Variants in NEGR1 observed in about 807,000 individuals in gnomAD.
NEGR1 encodes the protein IgLON family member 4.
NEGR1 carries 10 observed loss-of-function variants against 40.9 expected under a neutral mutation model. That is an observed-to-expected ratio of 0.24 (90% CI 0.15 to 0.42). NEGR1 has a LOEUF of 0.42. Among genes scored for constraint, NEGR1 ranks in the 10% least tolerant of loss-of-function variants. The probability of loss-of-function intolerance (pLI) is 1.00; values close to 1 mark genes in which losing one functional copy is unlikely to be tolerated. For missense variants in NEGR1, 352 were observed against 438.9 expected, an observed-to-expected ratio of 0.80 and a Z score of 1.77; for synonymous variants, 185 against 166.8, an observed-to-expected ratio of 1.11 and a Z score of -0.84.
chr1:71,412,364 C>T (rs1193674534), intron 6 of NEGR1, among the ~76,000 whole-genome samples: 1 of 152,120 alleles, frequency 6.6e-6, no homozygotes, highest in South Asian at 2.1e-4. Flanking sequence ...TTCCATGAGG[C>T]CATCCCCAAT....
intron 6 of NEGR1, among the ~76,000 whole-genome samples, chr1:71,504,636 G>A (rs1053216710): frequency 2.6e-5 from 4 of 152,284 alleles, no homozygotes; most frequent in East Asian, 1.9e-4. Flanking sequence ...GGTGGGACCC[G>A]AGGAAGAAAA....
At chr1:71,906,246 G>A (rs548146626) in intron 2 of NEGR1, among the ~76,000 whole-genome samples, 1 of 152,054 alleles carries the variant, frequency 6.6e-6, no homozygotes, top group East Asian at 1.9e-4. Context: ...GGAGAAGGGG[G>A]AAAGGGAGTG....
At chr1:71,580,290 C>T (rs997914568) in intron 6 of NEGR1, among the ~76,000 whole-genome samples, 2 of 144,984 alleles carry the variant, frequency 1.4e-5, no homozygotes, top group African/African-American at 5.2e-5. Flanking sequence ...GGGAACATCA[C>T]ACTCTGGAGA....
intron 4 of NEGR1, among the ~76,000 whole-genome samples, chr1:71,649,453 T>C (rs1343908352): frequency 1.3e-5 from 2 of 152,074 alleles, no homozygotes; most frequent in African/African-American, 4.8e-5. Flanking sequence ...TATCTAGCAA[T>C]AAAATGCTGT....
chr1:71,795,952 G>A (rs1557655313), intron 2 of NEGR1, among the ~76,000 whole-genome samples: 5 of 152,074 alleles, frequency 3.3e-5, no homozygotes, highest in Admixed American at 1.3e-4. Flanking sequence ...CATTTCAAAG[G>A]CCTCATTTGG....
intron 1 of NEGR1, among the ~76,000 whole-genome samples, chr1:72,182,524 T>C (rs1211563812): frequency 6.6e-6 from 1 of 151,956 alleles, no homozygotes; most frequent in Non-Finnish European, 1.5e-5. Flanking sequence ...AATAAAATGT[T>C]CAGGTTATAA....
At chr1:71,874,058 T>C (rs935909319) in intron 2 of NEGR1, among the ~76,000 whole-genome samples, 1 of 152,204 alleles carries the variant, frequency 6.6e-6, no homozygotes, top group African/African-American at 2.4e-5. Context: ...TAGTTTATCC[T>C]CTGAGTTGCA....
chr1:71,992,433 T>C (rs543091790), intron 1 of NEGR1, among the ~76,000 whole-genome samples: 4 of 151,868 alleles, frequency 2.6e-5, no homozygotes, highest in Non-Finnish European at 5.9e-5. Flanking sequence ...CCAGTTGAAA[T>C]AGAATGTAAG....
At chr1:72,097,571 C>A (rs1359847951) in intron 1 of NEGR1, among the ~76,000 whole-genome samples, 1 of 152,124 alleles carries the variant, frequency 6.6e-6, no homozygotes, top group Admixed American at 6.5e-5. Context: ...TAATCTGGGC[C>A]TTAAGTTCAA....
rs115854698 is a variant in NEGR1, at chr1:71,639,494, T to C, written c.668-28348A>G. ...CTCTGTGTTTCAGGCAGCTTGTGGG[T>C]GAGTCTGCATGATGGTCTTGAAGTA... On this transcript the variant is annotated intron_variant, in intron 4 of 6. Transcript: ENST00000357731. Among the ~76,000 whole-genome samples the C allele has an allele frequency of 4.1e-3, 623 of 152,158 alleles. 6 individuals carry two copies. Among genetic ancestry groups the C allele is most frequent in the African/African-American group, 0.014 (594 of 41,534 alleles).
intron 1 of NEGR1, among the ~76,000 whole-genome samples, chr1:71,995,225 A>G (rs1220476739): frequency 1.3e-5 from 2 of 152,080 alleles, no homozygotes; most frequent in African/African-American, 4.8e-5. Context: ...GTGATCATAG[A>G]TGTTAAAGGC....
chr1:71,800,830 A>G (rs1315245307), intron 2 of NEGR1, among the ~76,000 whole-genome samples: 2 of 152,172 alleles, frequency 1.3e-5, no homozygotes, highest in African/African-American at 4.8e-5. Context: ...AGCATGTGTT[A>G]TAGTTCTTCA....
intron 4 of NEGR1, among the ~76,000 whole-genome samples, chr1:71,633,829 A>AGCAC (rs1182109225): frequency 3.9e-5 from 6 of 152,118 alleles, no homozygotes; most frequent in African/African-American, 1.4e-4. Context: ...GTTGTACAAA[A>AGCAC]GCACGCAGCC....
At chr1:71,635,526 T>G (rs1226592164) in intron 4 of NEGR1, among the ~76,000 whole-genome samples, 1 of 151,954 alleles carries the variant, frequency 6.6e-6, no homozygotes, top group East Asian at 1.9e-4. Context: ...TGGAGAGAGT[T>G]GAGGATAGAT....
chr1:72,212,027 G>A (rs1653627863), intron 1 of NEGR1, among the ~76,000 whole-genome samples: 1 of 151,942 alleles, frequency 6.6e-6, no homozygotes, highest in South Asian at 2.1e-4. Flanking sequence ...AGAGTTATCA[G>A]ATGAAATGCC....
intron 6 of NEGR1, among the ~76,000 whole-genome samples, chr1:71,525,277 T>C (rs1320462929): frequency 1.3e-5 from 2 of 151,660 alleles, no homozygotes; most frequent in Admixed American, 6.6e-5. Flanking sequence ...CAGAAATAAT[T>C]AGGTGAGGAA....
chr1:71,430,179 G>T (rs1646456591), intron 6 of NEGR1, among the ~76,000 whole-genome samples: 1 of 152,044 alleles, frequency 6.6e-6, no homozygotes, highest in African/African-American at 2.4e-5. Flanking sequence ...GTTTCTGTTT[G>T]GCACCTTCTG....
intron 6 of NEGR1, among the ~76,000 whole-genome samples, chr1:71,480,622 A>G (rs1334028526): frequency 6.6e-6 from 1 of 151,902 alleles, no homozygotes; most frequent in Non-Finnish European, 1.5e-5. Context: ...TTGTAGTATT[A>G]ATATTAAAAC....
chr1:72,076,986 CT>C (rs1374428354), intron 1 of NEGR1, among the ~76,000 whole-genome samples: 1 of 151,062 alleles, frequency 6.6e-6, no homozygotes, highest in African/African-American at 2.4e-5. Context: ...CCTCCGCCCC[CT>C]GGGTTCAAGT....
Sources: gnomAD v4.1 joint callset for allele counts (sites outside exome capture counted in the v4.1 genomes callset) on GRCh38, gnomAD v4.1.1 for gene constraint, MANE v1.5 for transcripts, NCBI Gene and HGNC (gene_info 2026-07-23, HGNC 2026-07-21) for gene names.